Variants in MBNL2 observed in about 807,000 individuals in gnomAD.
The protein encoded by MBNL2 is muscleblind-like protein 2.
A neutral mutation model predicts 41.9 loss-of-function variants in MBNL2; 17 were observed. The observed-to-expected ratio is 0.41, with a 90% CI of 0.28 to 0.61. The LOEUF is 0.61. Ranked by LOEUF, MBNL2 falls within the 20% of genes least tolerant of loss-of-function variation. MBNL2 has a pLI of 0.35. For synonymous variants in MBNL2, 195 were observed against 182.9 expected, an observed-to-expected ratio of 1.07 and a Z score of -0.53; for missense variants, 336 against 505.6, an observed-to-expected ratio of 0.66 and a Z score of 3.22.
At chr13:97,215,429 T>C in the MBNL2 span, among the ~76,000 whole-genome samples, 3 of 152,218 alleles carry the variant, frequency 2.0e-5, no homozygotes, top group African/African-American at 7.2e-5. Context: ...ATGATTTCAA[T>C]AGAATCACAC....
intron 2 of MBNL2, among the ~76,000 whole-genome samples, chr13:97,304,427 T>C (rs2057930738): frequency 1.3e-5 from 2 of 152,218 alleles, no homozygotes; most frequent in Admixed American, 1.3e-4. Context: ...TAAAAACTCA[T>C]TTATTTGCTT....
chr13:97,221,732 A>G (rs182891364), upstream of MBNL2, among the ~76,000 whole-genome samples: 2 of 152,326 alleles, frequency 1.3e-5, no homozygotes, highest in African/African-American at 2.4e-5. Context: ...CGAAAGATAA[A>G]TGGGCCGCAG....
the MBNL2 span, among the ~76,000 whole-genome samples, chr13:97,154,037 C>T: frequency 1.3e-5 from 2 of 152,072 alleles, no homozygotes; most frequent in Non-Finnish European, 2.9e-5. Context: ...AAATATTCTG[C>T]CAGACTGTGC....
At chr13:97,206,003 C>T in the MBNL2 span, among the ~76,000 whole-genome samples, 1 of 152,150 alleles carries the variant, frequency 6.6e-6, no homozygotes, top group Non-Finnish European at 1.5e-5. Flanking sequence ...CTAATAGCTT[C>T]ACTTCTATGA....
At chr13:97,189,374 AAGGGAGAC>A in the MBNL2 span, among the ~76,000 whole-genome samples, 1 of 152,202 alleles carries the variant, frequency 6.6e-6, no homozygotes, top group Non-Finnish European at 1.5e-5. Flanking sequence ...AGGAAAAAGA[AAGGGAGAC>A]AGGGAGGGAG....
At chr13:97,327,046 CTA>C (rs2059959547) in intron 2 of MBNL2, among the ~76,000 whole-genome samples, 1 of 152,152 alleles carries the variant, frequency 6.6e-6, no homozygotes, top group South Asian at 2.1e-4. Flanking sequence ...GCTTTTGAAA[CTA>C]TGGGGAAACT....
chr13:97,347,054 C>T lies in MBNL2; in HGVS notation c.791C>T (p.Ala264Val), dbSNP rs2061942493. ...AAVAAQAAAA[A>V]ATVMTQSTAK... The stretch of plus-strand genomic sequence containing the variant: ...GTGGCCGCCCAGGCAGCCGCGGCCG[C>T]GGCCACAGTCATGGTAAGTGCGGCC... The change falls in exon 5 of 9, where the codon GCG becomes GTG. Residue 264 changes from alanine (A) to valine (V), a missense_variant. By Grantham distance (64) the Ala-to-Val change is moderately conservative. Coordinates refer to ENST00000679496, the MANE Select transcript of MBNL2 (RefSeq NM_001382683.1). 7 of 1,601,056 alleles carry T rather than the reference C, an allele frequency of 4.4e-6. No homozygotes were observed. The highest frequency in any genetic ancestry group is 5.1e-6 in the Non-Finnish European group (6 of 1,174,720).
At chr13:97,350,125 A>G (rs143417077) in intron 5 of MBNL2, among the ~76,000 whole-genome samples, 6 of 152,232 alleles carry the variant, frequency 3.9e-5, no homozygotes, top group Non-Finnish European at 8.8e-5. Context: ...GAGTATCACA[A>G]TAGAACAAAT....
At chr13:97,243,654 A>G (rs2044781332) in intron 1 of MBNL2, among the ~76,000 whole-genome samples, 2 of 152,250 alleles carry the variant, frequency 1.3e-5, no homozygotes, top group Admixed American at 6.5e-5. Flanking sequence ...AGTTGCATCT[A>G]TAAGCTAAAA....
the MBNL2 span, among the ~76,000 whole-genome samples, chr13:97,203,834 C>G: frequency 4.0e-5 from 6 of 151,696 alleles, no homozygotes; most frequent in Non-Finnish European, 8.8e-5. Context: ...GGCATATAGT[C>G]AGTATTAAAT....
chr13:97,187,567 A>C, the MBNL2 span, among the ~76,000 whole-genome samples: 7 of 126,128 alleles, frequency 5.5e-5, no homozygotes, highest in Admixed American at 1.9e-4. Context: ...GCCTTCTGCC[A>C]CTGGGAATCC....
the MBNL2 span, among the ~76,000 whole-genome samples, chr13:97,184,280 GT>G: frequency 1.3e-4 from 20 of 152,318 alleles, no homozygotes; most frequent in South Asian, 3.9e-3. Context: ...ATCTACTTAA[GT>G]TTTGGTAAGA....
intron 8 of MBNL2, among the ~76,000 whole-genome samples, chr13:97,387,862 A>T (rs1383037758): frequency 6.6e-6 from 1 of 152,154 alleles, no homozygotes; most frequent in Non-Finnish European, 1.5e-5. Flanking sequence ...AATTCAAACA[A>T]AAACAAGGGT....
At chr13:97,308,552 C>T (rs2153015697) in intron 2 of MBNL2, among the ~76,000 whole-genome samples, 1 of 152,314 alleles carries the variant, frequency 6.6e-6, no homozygotes, top group Middle Eastern at 3.4e-3. Flanking sequence ...TAACACTGCT[C>T]ATACCCACAC....
At chr13:97,370,700 C>G (rs2064287859) in intron 8 of MBNL2, among the ~76,000 whole-genome samples, 1 of 151,032 alleles carries the variant, frequency 6.6e-6, no homozygotes, top group African/African-American at 2.4e-5. Flanking sequence ...AAGAAAGAAA[C>G]CATATAATGG....
At chr13:97,285,655 A>G (rs962889856) in intron 2 of MBNL2, among the ~76,000 whole-genome samples, 1 of 152,170 alleles carries the variant, frequency 6.6e-6, no homozygotes. Flanking sequence ...GCCATATTTA[A>G]CCTCTGAAAT....
the MBNL2 span, among the ~76,000 whole-genome samples, chr13:97,168,635 C>T: frequency 2.6e-4 from 40 of 152,140 alleles, no homozygotes; most frequent in South Asian, 8.3e-4. Context: ...AAATAGTGCC[C>T]GGCACGCAAT....
chr13:97,339,208 TGA>T (rs1429091563), intron 3 of MBNL2, among the ~76,000 whole-genome samples: 29 of 135,922 alleles, frequency 2.1e-4, no homozygotes, highest in Non-Finnish European at 3.2e-4. Context: ...GTTGTGTGTG[TGA>T]GTGTATGGGA....
chr13:97,142,860 C>CT, the MBNL2 span, among the ~76,000 whole-genome samples: 4 of 152,184 alleles, frequency 2.6e-5, no homozygotes, highest in East Asian at 3.9e-4. Flanking sequence ...TTATCTTAGA[C>CT]TTTTTTTTAG....
Sources: allele counts gnomAD v4.1 joint callset (sites outside exome capture counted in the v4.1 genomes callset), GRCh38; gene constraint gnomAD v4.1.1; transcripts MANE v1.5; gene names NCBI Gene and HGNC (gene_info 2026-07-23, HGNC 2026-07-21).